Variants in KIFC3 observed in about 807,000 individuals in gnomAD.
The protein encoded by KIFC3 is kinesin-like protein KIFC3.
In KIFC3, 60 loss-of-function variants were observed where a neutral mutation model predicts 101.8. The observed-to-expected ratio is 0.59, with a 90% CI of 0.48 to 0.73. KIFC3 has a LOEUF of 0.73. Ranked by LOEUF, KIFC3 falls within the 30% of genes least tolerant of loss-of-function variation. KIFC3 has a pLI of 0.00. For missense variants in KIFC3, 966 were observed against 1,137.1 expected, an observed-to-expected ratio of 0.85 and a Z score of 2.16; for synonymous variants, 476 against 482.7, an observed-to-expected ratio of 0.99 and a Z score of 0.18.
chr16:57,854,845 A>G (rs537728717), intron 1 of KIFC3, among the ~76,000 whole-genome samples: 1 of 152,332 alleles, frequency 6.6e-6, no homozygotes, highest in East Asian at 1.9e-4. Context: ...GAATTAAACT[A>G]GAAATCAATA....
intron 1 of KIFC3, among the ~76,000 whole-genome samples, chr16:57,847,794 G>GTGTGTGTGTGTGTT: frequency 6.6e-6 from 1 of 151,668 alleles, no homozygotes; most frequent in Non-Finnish European, 1.5e-5. Context: ...GTGTGTGTGT[G>GTGTGTGTGTGTGTT]TGTGTGTGTG....
In KIFC3 at chr16:57,780,681, T is replaced by TC. The variant is rs1438972692; in HGVS notation, c.316-8394_316-8393insG. ...TCTGAAGACAAATTTTTTTTTTTTT[T>TC]TTTTTTTTTTTGAGATAGAGTCTTG... On this transcript the variant is annotated intron_variant, in intron 3 of 19. Transcript: ENST00000445690. Among the ~76,000 whole-genome samples, 166 of 132,530 alleles carry TC rather than the reference T, an allele frequency of 1.3e-3. 1 individual carries two copies. Among genetic ancestry groups the TC allele is most frequent in the Non-Finnish European group, 1.5e-3 (92 of 61,148 alleles). The allele number at this position is 132,530 out of a possible 152,430, so 86.9% of individuals were successfully genotyped here.
At chr16:57,831,371 G>A (rs780566351) in intron 1 of KIFC3, among the ~76,000 whole-genome samples, 2 of 152,206 alleles carry the variant, frequency 1.3e-5, no homozygotes, top group Non-Finnish European at 1.5e-5. Context: ...CTGTGCACAT[G>A]AATCAGCTGG....
upstream of KIFC3, among the ~76,000 whole-genome samples, chr16:57,806,737 G>A (rs1292427431): frequency 6.6e-6 from 1 of 152,228 alleles, no homozygotes; most frequent in Non-Finnish European, 1.5e-5. Context: ...AGGAAGGAGT[G>A]CCCTGCAGCT....
chr16:57,837,338 C>G (rs1022682320), intron 1 of KIFC3, among the ~76,000 whole-genome samples: 5 of 151,762 alleles, frequency 3.3e-5, no homozygotes, highest in Non-Finnish European at 5.9e-5. Context: ...CATGGTGGTG[C>G]AAGCCTATAA....
At chr16:57,775,777 C>G (rs2051973292) in intron 3 of KIFC3, 2 of 985,668 alleles carry the variant, frequency 2.0e-6, no homozygotes, top group Non-Finnish European at 2.4e-6. Flanking sequence ...GAGGAGAAAG[C>G]AGACTCCCCA....
At chr16:57,838,641 A>G (rs535021981) in intron 1 of KIFC3, among the ~76,000 whole-genome samples, 3 of 152,338 alleles carry the variant, frequency 2.0e-5, no homozygotes, top group African/African-American at 7.2e-5. Flanking sequence ...GGGAGGAAAG[A>G]ACGAGCTGAA....
At chr16:57,775,352 GGCACCACGA>G in intron 3 of KIFC3, 1 of 1,118,846 alleles carries the variant, frequency 8.9e-7, no homozygotes, top group Non-Finnish European at 1.1e-6. Context: ...GCAGCAGACT[GGCACCACGA>G]GCACTCTGGC....
At position 57,766,814 on chromosome 16, in the gene KIFC3, C is replaced by T. The variant is rs569944952; in HGVS notation, c.1330+60G>A. ...ATGGTGGGGTGAGCTCCAAGCATGA[C>T]TGCCAAGCCAGGTCGAGGACCCCGA... On this transcript the variant is annotated intron_variant, in intron 10 of 19. Coordinates refer to ENST00000445690, the MANE Select transcript of KIFC3 (RefSeq NM_001130100.2). The T allele has an allele frequency of 1.0e-3, 1,257 of 1,204,178 alleles. 4 individuals carry two copies. The highest frequency in any genetic ancestry group is 1.2e-3 in the Non-Finnish European group (1,001 of 829,566). 74.6% of individuals were successfully genotyped at this position (1,204,178 alleles called of 1,614,324 possible).
chr16:57,764,275 T>TGGGGGGGGGGGGGGTGGGGGGGGGGGG, intron 11 of KIFC3, 28 bp from the exon 12 acceptor site: 1 of 539,938 alleles, frequency 1.9e-6, no homozygotes. Context: ...GGGAGGCTGG[T>TGGGGGGGGGGGGGGTGGGGGGGGGGGG]GGGGGGGCTT....
intron 1 of KIFC3, among the ~76,000 whole-genome samples, chr16:57,857,327 C>A (rs990993142): frequency 6.6e-5 from 10 of 151,926 alleles, no homozygotes; most frequent in African/African-American, 2.4e-4. Flanking sequence ...CTGACTTCAG[C>A]TTGGCCTCCT....
intron 1 of KIFC3, chr16:57,813,727 G>T: frequency 1.1e-6 from 1 of 922,072 alleles, no homozygotes; most frequent in African/African-American, 2.1e-5. Context: ...CACTCATGCA[G>T]GTGGGCTTGG....
chr16:57,789,828 C>G (rs1349399600), intron 3 of KIFC3, among the ~76,000 whole-genome samples: 4 of 151,392 alleles, frequency 2.6e-5, no homozygotes, highest in African/African-American at 9.7e-5. Context: ...TCTCTGCCTC[C>G]CAGGTTCAAG....
At chr16:57,763,544 T>C (rs1284211979) in intron 12 of KIFC3, among the ~76,000 whole-genome samples, 5 of 152,068 alleles carry the variant, frequency 3.3e-5, no homozygotes, top group African/African-American at 1.2e-4. Flanking sequence ...AGCTTTCCAC[T>C]GCCCTCTGCC....
intron 1 of KIFC3, among the ~76,000 whole-genome samples, chr16:57,820,990 G>C (rs73558668): frequency 1.2e-4 from 18 of 152,084 alleles, no homozygotes; most frequent in Non-Finnish European, 8.8e-5. Context: ...AAATTAGCCA[G>C]GTGAGGTAGC....
At chr16:57,776,091 T>TA in intron 3 of KIFC3, 1 of 985,468 alleles carries the variant, frequency 1.0e-6, no homozygotes, top group Non-Finnish European at 1.2e-6. Context: ...GGCGGCCTCT[T>TA]ACCATCACAG....
chr16:57,846,728 C>T (rs1234911601), intron 1 of KIFC3, among the ~76,000 whole-genome samples: 1 of 152,204 alleles, frequency 6.6e-6, no homozygotes, highest in Non-Finnish European at 1.5e-5. Flanking sequence ...CTGATAGGTA[C>T]AATTTCTTTC....
At chr16:57,798,419 TC>T in intron 1 of KIFC3, 137 bp from the exon 2 acceptor site, 1 of 760,926 alleles carries the variant, frequency 1.3e-6, no homozygotes, top group East Asian at 2.7e-5. Context: ...AACTGCACTG[TC>T]CCCCAAAGAC....
chr16:57,766,270 C>T (rs2050469959), intron 10 of KIFC3, among the ~76,000 whole-genome samples: 1 of 152,234 alleles, frequency 6.6e-6, no homozygotes, highest in African/African-American at 2.4e-5. Context: ...TCCGTTCCAG[C>T]TCACTGTCCA....
Sources: gnomAD v4.1 joint callset for allele counts (sites outside exome capture counted in the v4.1 genomes callset) on GRCh38, gnomAD v4.1.1 for gene constraint, MANE v1.5 for transcripts, NCBI Gene and HGNC (gene_info 2026-07-23, HGNC 2026-07-21) for gene names.